The following MAPK6 variants were observed in gnomAD, a reference collection of about 807,000 sequenced individuals.
The protein encoded by MAPK6 is mitogen-activated protein kinase 6.
Under a neutral mutation model 59.3 loss-of-function variants are expected in MAPK6, and 19 were observed. The ratio of observed to expected loss-of-function variants is 0.32; its 90% CI spans 0.22 to 0.47. The LOEUF (loss-of-function observed/expected upper bound fraction) is 0.47, where lower values mean the gene tolerates loss of function less well. MAPK6 is among the 20% of genes least tolerant of loss of function. MAPK6 has a pLI of 1.00. For synonymous variants in MAPK6, 316 were observed against 290.3 expected (o/e 1.09, Z -0.90); for missense variants, 724 against 847.9 (o/e 0.85, Z 1.81).
chr15:52,034,999 GC>G (rs1314732918), intron 1 of MAPK6, among the ~76,000 whole-genome samples: 1 of 152,208 alleles, frequency 6.6e-6, no homozygotes, highest in Non-Finnish European at 1.5e-5. Flanking sequence ...ACTGCGCCTG[GC>G]CTTGTTATCT....
Position 52,064,430 on chromosome 15 carries a change from A to G in MAPK6, c.1596A>G (p.Ala532=), listed in dbSNP as rs757227852. ...GATTTGATTTTGATTCCTTTATTGC[A>G]GGAACTATTCAGCTTAGTTCCCAGC... ...NQGFDFDSFI[A]GTIQLSSQHE... is the part of the protein sequence containing the mutation. The change falls in exon 6 of 6, where the codon GCA becomes GCG. Residue 532 remains alanine (A), a synonymous_variant. Transcript: ENST00000261845. 2.4e-5 allele frequency: 38 copies of G among 1,611,794 alleles called. 1 individual carries two copies. The East Asian group carries it at 8.0e-4, about 34-fold the overall frequency.
intron 1 of MAPK6, among the ~76,000 whole-genome samples, chr15:51,976,552 A>G (rs1213468952): frequency 6.6e-6 from 1 of 151,908 alleles, no homozygotes; most frequent in African/African-American, 2.4e-5. Context: ...AAAAGTTTCT[A>G]GAGAGAAAAA....
rs1225183572 is a variant in MAPK6, at chr15:52,066,561, CTT to C, written c.*1562_*1563del. On this transcript the variant is annotated 3_prime_UTR_variant, in exon 6 of 6. Transcript: ENST00000261845. ...ACCTATCCAGCTACAAAACCATCCT[CTT>C]CACCTCACTTTTCTTTCATCCTTGT... 4 of 152,074 alleles carry C rather than the reference CTT, an allele frequency of 2.6e-5. No individual in the cohort carries two copies. In the East Asian group the frequency reaches 7.7e-4, roughly 29 times the overall value. The allele number at this position is 152,074 out of a possible 1,614,324, so 9.4% of individuals were successfully genotyped here.
intron 2 of MAPK6, among the ~76,000 whole-genome samples, chr15:51,995,034 T>C (rs1222998450): frequency 6.6e-6 from 1 of 152,254 alleles, no homozygotes; most frequent in East Asian, 1.9e-4. Flanking sequence ...TATTTGGGCA[T>C]GATGGGGCAT....
At chr15:51,998,687 A>T (rs866913631) in intron 2 of MAPK6, among the ~76,000 whole-genome samples, 17 of 38,484 alleles carry the variant, frequency 4.4e-4, no homozygotes, top group African/African-American at 7.0e-4. Context: ...TGCCTGGTTA[A>T]TTTTTTTTTT....
intron 3 of MAPK6, among the ~76,000 whole-genome samples, chr15:52,058,092 C>T (rs1458070491): frequency 2.0e-5 from 3 of 152,182 alleles, no homozygotes; most frequent in African/African-American, 4.8e-5. Flanking sequence ...TGCTGGAGTA[C>T]AGCAAATGGA....
chr15:51,974,876 C>G (rs2057153051), intron 1 of MAPK6, among the ~76,000 whole-genome samples: 1 of 150,640 alleles, frequency 6.6e-6, no homozygotes, highest in African/African-American at 2.4e-5. Context: ...CACCACCATG[C>G]CCAGCTAATT....
chr15:52,026,846 T>G (rs1334008135), intron 1 of MAPK6, among the ~76,000 whole-genome samples: 1 of 145,834 alleles, frequency 6.9e-6, no homozygotes, highest in African/African-American at 2.5e-5. Flanking sequence ...AGTCAGGAGT[T>G]CTAGACTAGC....
chr15:51,994,593 T>C (rs1167986726), intron 2 of MAPK6, among the ~76,000 whole-genome samples: 1 of 152,160 alleles, frequency 6.6e-6, no homozygotes, highest in Non-Finnish European at 1.5e-5. Flanking sequence ...GAATGGAATA[T>C]TTACATAGCT....
chr15:51,985,012 T>C (rs1275923003), intron 2 of MAPK6, among the ~76,000 whole-genome samples: 1 of 152,188 alleles, frequency 6.6e-6, no homozygotes, highest in African/African-American at 2.4e-5. Context: ...ACCAAAGATT[T>C]TTAAAAGACT....
intron 3 of MAPK6, among the ~76,000 whole-genome samples, chr15:52,057,975 G>A (rs997022844): frequency 1.4e-5 from 2 of 141,592 alleles, no homozygotes; most frequent in African/African-American, 5.8e-5. Context: ...GCGCATAGTA[G>A]GAACTAAAAG....
At chr15:51,985,082 G>A (rs1186444112) in intron 2 of MAPK6, among the ~76,000 whole-genome samples, 1 of 152,188 alleles carries the variant, frequency 6.6e-6, no homozygotes. Flanking sequence ...TTGACTGAGT[G>A]TGGTGGCTTA....
At chr15:52,019,786 C>G (rs1008120186) in intron 1 of MAPK6, 2 of 152,126 alleles carry the variant, frequency 1.3e-5, no homozygotes, top group African/African-American at 4.8e-5. Context: ...GAAACCCAGC[C>G]GGACCGGACC....
In MAPK6 at chr15:52,064,758, C is replaced by T. The variant is rs2032346001; in HGVS notation, c.1924C>T (p.Leu642=). Residue 642 remains leucine (L), a synonymous_variant, in exon 6 of 6, where the codon CTA becomes TTA. Coordinates refer to ENST00000261845, the MANE Select transcript of MAPK6 (RefSeq NM_002748.4). ...FFSRKEDTEM[L]ETEPVEDGKL... ...TAGCAGGAAAGAAGATACTGAAATG[C>T]TAGAAACTGAGCCAGTAGAGGATGG... is the stretch of plus-strand genomic sequence containing the variant. 3 of 1,611,706 alleles carry T rather than the reference C, an allele frequency of 1.9e-6. No individual in the cohort carries two copies. The highest frequency in any genetic ancestry group is 2.5e-6 in the Non-Finnish European group (3 of 1,179,672).
chr15:52,022,649 C>T (rs1314834746), intron 1 of MAPK6, among the ~76,000 whole-genome samples: 1 of 150,728 alleles, frequency 6.6e-6, no homozygotes, highest in Non-Finnish European at 1.5e-5. Context: ...TTTTTTTTTA[C>T]AAAGTTTAAT....
Position 52,064,645 on chromosome 15 carries a change from G to GT in MAPK6, c.1817dup (p.Ile607HisfsTer6). Reference sequence around the variant, plus strand: ...CAGTTTGTGAGTGGTGGGGAGGACTGTTTTTTCATAAATCAGTTTTGTGAG... The same window carrying GT: ...CAGTTTGTGAGTGGTGGGGAGGACTGTTTTTTTCATAAATCAGTTTTGTGAG... On this transcript the variant is annotated frameshift_variant, in exon 6 of 6. Coordinates refer to ENST00000261845, the MANE Select transcript of MAPK6 (RefSeq NM_002748.4). LOFTEE classifies it high-confidence loss of function. 1.2e-6 allele frequency: 2 copies of GT among 1,611,772 alleles called. No homozygotes were observed. Among genetic ancestry groups the GT allele is most frequent in the Non-Finnish European group, 1.7e-6 (2 of 1,179,724 alleles).
chr15:52,043,742 A>G (rs1408067633), intron 1 of MAPK6, among the ~76,000 whole-genome samples: 1 of 40,630 alleles, frequency 2.5e-5, no homozygotes, highest in Non-Finnish European at 4.4e-5. Flanking sequence ...AAGTTGTTTG[A>G]TTTTTTTTTT....
At chr15:52,040,082 A>G (rs2031370389) in intron 1 of MAPK6, among the ~76,000 whole-genome samples, 1 of 152,308 alleles carries the variant, frequency 6.6e-6, no homozygotes, top group South Asian at 2.1e-4. Context: ...GGCTTTGTCA[A>G]AAATGCAGTG....
chr15:52,051,122 ATT>A (rs1262448926), intron 3 of MAPK6, among the ~76,000 whole-genome samples: 2 of 151,326 alleles, frequency 1.3e-5, no homozygotes, highest in African/African-American at 4.9e-5. Flanking sequence ...CAGTGGTGCG[ATT>A]TCTGCTCACT....
Sources: allele counts gnomAD v4.1 joint callset (sites outside exome capture counted in the v4.1 genomes callset), GRCh38; gene constraint gnomAD v4.1.1; transcripts MANE v1.5; gene names NCBI Gene and HGNC (gene_info 2026-07-23, HGNC 2026-07-21).